Variants in TMEM233 observed in about 807,000 individuals in gnomAD.
TMEM233 encodes the protein dispanin subfamily B member 2.
TMEM233 carries 6 observed loss-of-function variants against 11.2 expected under a neutral mutation model. The ratio of observed to expected loss-of-function variants is 0.54; its 90% CI spans 0.29 to 1.06. The LOEUF is 1.06. Among genes scored for constraint, TMEM233 ranks in the 50% least tolerant of loss-of-function variants. The pLI is 0.08. For missense variants in TMEM233, 127 were observed against 144.7 expected, an observed-to-expected ratio of 0.88 and a Z score of 0.63; for synonymous variants, 59 against 55.8, an observed-to-expected ratio of 1.06 and a Z score of -0.26.
chr12:119,646,701 T>C (rs1955157578), downstream of TMEM233, among the ~76,000 whole-genome samples: 1 of 152,246 alleles, frequency 6.6e-6, no homozygotes, highest in Non-Finnish European at 1.5e-5. Context: ...ATCTCTTTTG[T>C]TCTGACTCCT....
rs1160804036 is a variant in TMEM233, at chr12:119,595,535, A to C, written c.186+1501A>C. On this transcript the variant is annotated intron_variant, in intron 1 of 2. Coordinates refer to ENST00000426426, the MANE Select transcript of TMEM233 (RefSeq NM_001136534.3). The surrounding 1 kb of genome is among the most constrained non-coding windows in gnomAD (Gnocchi z 4.3). ...TCAGACAAGTCTGTATTCAAATCCC[A>C]ATTCTCCCACTTTCTAGCTGTGTGA... Among the ~76,000 whole-genome samples, 1 of 152,176 alleles carries C rather than the reference A, an allele frequency of 6.6e-6. No homozygotes were observed. The highest frequency in any genetic ancestry group is 1.9e-4 in the East Asian group (1 of 5,194).
chr12:119,628,600 C>T (rs1309225772), intron 1 of TMEM233, among the ~76,000 whole-genome samples: 3 of 150,784 alleles, frequency 2.0e-5, no homozygotes, highest in Non-Finnish European at 3.0e-5. Flanking sequence ...CCCAGATTCA[C>T]GCCATTCTCT....
intron 2 of TMEM233, among the ~76,000 whole-genome samples, chr12:119,637,554 T>C (rs1313155390): frequency 6.6e-6 from 1 of 152,238 alleles, no homozygotes; most frequent in Non-Finnish European, 1.5e-5. Flanking sequence ...TGCAAAAGCT[T>C]AAAAGCAAAT....
At chr12:119,632,424 T>C (rs1443183906) in intron 2 of TMEM233, among the ~76,000 whole-genome samples, 1 of 152,196 alleles carries the variant, frequency 6.6e-6, no homozygotes, top group East Asian at 1.9e-4. Flanking sequence ...GTACACCCAG[T>C]AACAAAGGCC....
rs1954017657 is a variant in TMEM233 at position 119,595,288 on chromosome 12, A to T, written c.186+1254A>T. On this transcript the variant is annotated intron_variant, in intron 1 of 2. Coordinates refer to ENST00000426426, the MANE Select transcript of TMEM233 (RefSeq NM_001136534.3). This position sits in a 1 kb window ranked among gnomAD's most constrained non-coding sequence, Gnocchi z 4.3. ...GGCTCACCTCGCCTGCAGCTGGGCC[A>T]CGGAACTCCCCGGCCACAGACGCAG... Among the ~76,000 whole-genome samples the T allele has an allele frequency of 6.6e-6, 1 of 152,172 alleles. No homozygotes were observed. The highest frequency in any genetic ancestry group is 1.5e-5 in the Non-Finnish European group (1 of 68,032).
rs1287496556 is a variant in TMEM233 at position 119,619,643 on chromosome 12, G to GC, written c.187-10093_187-10092insC. 2.4e-5 allele frequency among the ~76,000 whole-genome samples: 3 copies of GC among 127,216 alleles called. No homozygotes were observed. The South Asian group carries it at 7.6e-4, about 32-fold the overall frequency. The allele number at this position is 127,216 out of a possible 152,430, so 83.5% of individuals were successfully genotyped here. A position where few individuals can be genotyped will look rare whatever the true frequency, so the allele number is the denominator to read the frequency against. On this transcript the variant is annotated intron_variant, in intron 1 of 2. Transcript: ENST00000426426. ...GTGACAGAGCGAGATCCTGTCTCAA[G>GC]AAAAAAAAAAAAACACACTGACACT...
At chr12:119,639,675 A>C (rs1399648104) in intron 2 of TMEM233, among the ~76,000 whole-genome samples, 1 of 152,136 alleles carries the variant, frequency 6.6e-6, no homozygotes, top group Non-Finnish European at 1.5e-5. Flanking sequence ...AGACTGCTGG[A>C]GTTCCAGTCC....
intron 1 of TMEM233, among the ~76,000 whole-genome samples, chr12:119,625,382 T>TTTC (rs1954730384): frequency 2.0e-5 from 3 of 151,432 alleles, no homozygotes; most frequent in African/African-American, 2.4e-5. Context: ...TTTTTTTTTT[T>TTTC]CCTTTGATAC....
At chr12:119,629,939 T>C in intron 2 of TMEM233, 67 bp downstream of exon 2, 23 of 1,474,952 alleles carry the variant, frequency 1.6e-5, no homozygotes, top group Non-Finnish European at 2.1e-5. Flanking sequence ...TGGAATCTGT[T>C]AGGGTAGATT....
chr12:119,643,494 C>T (rs769010911), downstream of TMEM233, among the ~76,000 whole-genome samples: 7 of 152,188 alleles, frequency 4.6e-5, no homozygotes, highest in Non-Finnish European at 1.0e-4. Context: ...GGTGGCCGGG[C>T]GCGGTGGCTC....
At chr12:119,630,220 AC>A (rs1254053752) in intron 2 of TMEM233, among the ~76,000 whole-genome samples, 1 of 152,230 alleles carries the variant, frequency 6.6e-6, no homozygotes, top group Admixed American at 6.5e-5. Context: ...ATAAAGAAAT[AC>A]CTCAGACTGA....
At chr12:119,631,327 A>G (rs1205921322) in intron 2 of TMEM233, 2 of 176,654 alleles carry the variant, frequency 1.1e-5, no homozygotes, top group African/African-American at 4.8e-5. Flanking sequence ...GACATTCCAG[A>G]TCAGCCAACC....
intron 1 of TMEM233, among the ~76,000 whole-genome samples, chr12:119,623,896 T>C (rs1272011842): frequency 1.3e-5 from 2 of 152,186 alleles, no homozygotes; most frequent in Non-Finnish European, 2.9e-5. Context: ...CTCTTGCAGA[T>C]GATAAGACAT....
chr12:119,619,390 C>T (rs1954599340), intron 1 of TMEM233, among the ~76,000 whole-genome samples: 1 of 151,982 alleles, frequency 6.6e-6, no homozygotes, highest in African/African-American at 2.4e-5. Context: ...TCTATAATAC[C>T]AACAGTTTCG....
chr12:119,653,391 CA>C, the TMEM233 span, among the ~76,000 whole-genome samples: 2,623 of 81,294 alleles, frequency 0.032, 58 homozygotes, highest in African/African-American at 0.12. Flanking sequence ...GACGCCACCT[CA>C]AAAAAAAAAA....
intron 1 of TMEM233, among the ~76,000 whole-genome samples, chr12:119,611,757 G>A (rs2136706216): frequency 6.6e-6 from 1 of 152,172 alleles, no homozygotes; most frequent in African/African-American, 2.4e-5. Context: ...ATGAACACTG[G>A]GAGGGGGTAC....
At chr12:119,610,662 C>G (rs1187138815) in intron 1 of TMEM233, among the ~76,000 whole-genome samples, 2 of 152,210 alleles carry the variant, frequency 1.3e-5, no homozygotes, top group Non-Finnish European at 2.9e-5. Context: ...CACTCATTCT[C>G]TCTCCTGCTG....
intron 1 of TMEM233, among the ~76,000 whole-genome samples, chr12:119,616,559 G>A (rs184810722): frequency 5.8e-4 from 88 of 152,292 alleles, no homozygotes; most frequent in African/African-American, 1.8e-3. Flanking sequence ...GACAATGGAC[G>A]TGGAGGAAAG....
At chr12:119,609,388 T>C (rs1954348936) in intron 1 of TMEM233, among the ~76,000 whole-genome samples, 1 of 152,202 alleles carries the variant, frequency 6.6e-6, no homozygotes, top group Non-Finnish European at 1.5e-5. Flanking sequence ...AGAAAGCTAT[T>C]TTCTGGGGAG....
Sources: gnomAD v4.1 joint callset for allele counts (sites outside exome capture counted in the v4.1 genomes callset) on GRCh38, gnomAD v4.1.1 for gene constraint, Gnocchi (gnomAD v3.1) non-coding constraint, MANE v1.5 for transcripts, NCBI Gene and HGNC (gene_info 2026-07-23, HGNC 2026-07-21) for gene names.